CADM1: variants seen among roughly 807,000 people sequenced by gnomAD.
CADM1 encodes cell adhesion molecule 1, also known as TSLC-1.
CADM1 carries 15 observed loss-of-function variants against 53.1 expected under a neutral mutation model. The observed-to-expected ratio is 0.28, with a 90% CI of 0.19 to 0.44. The LOEUF (loss-of-function observed/expected upper bound fraction) is 0.44, where lower values mean the gene tolerates loss of function less well. Ranked by LOEUF, CADM1 falls within the 20% of genes least tolerant of loss-of-function variation. CADM1 has a pLI of 1.00. For synonymous variants in CADM1, 281 were observed against 243.0 expected, an observed-to-expected ratio of 1.16 and a Z score of -1.45; for missense variants, 434 against 611.3, an observed-to-expected ratio of 0.71 and a Z score of 3.06.
chr11:115,403,261 C>A (rs1947209922), intron 1 of CADM1, among the ~76,000 whole-genome samples: 1 of 142,300 alleles, frequency 7.0e-6, no homozygotes, highest in African/African-American at 2.7e-5. Context: ...CAGTACTCTT[C>A]AAAACTATCA....
At chr11:115,466,030 A>G (rs546015974) in intron 1 of CADM1, among the ~76,000 whole-genome samples, 44 of 152,236 alleles carry the variant, frequency 2.9e-4, no homozygotes, top group African/African-American at 1.0e-3. Context: ...TGATTTTCAG[A>G]GAATGTTCAT....
chr11:115,265,287 C>G (rs4938193), intron 1 of CADM1, among the ~76,000 whole-genome samples: 26,535 of 151,188 alleles, frequency 0.18, 2,524 homozygotes, highest in South Asian at 0.33. Flanking sequence ...ACTTTAACCT[C>G]TAAGAGAGAA....
intron 2 of CADM1, among the ~76,000 whole-genome samples, chr11:115,239,553 C>T (rs949551722): frequency 3.9e-5 from 6 of 152,084 alleles, no homozygotes; most frequent in Non-Finnish European, 8.8e-5. Context: ...GGCTTATTTC[C>T]TTTTATCTTT....
At chr11:115,427,817 G>A (rs1346029499) in intron 1 of CADM1, among the ~76,000 whole-genome samples, 1 of 151,844 alleles carries the variant, frequency 6.6e-6, no homozygotes, top group Non-Finnish European at 1.5e-5. Context: ...GACCATCCTG[G>A]CTAACACGTG....
intron 1 of CADM1, 48 bp from the exon 2 acceptor site, chr11:115,240,468 A>T (rs56737005): frequency 6.3e-7 from 1 of 1,599,932 alleles, no homozygotes; most frequent in Admixed American, 1.7e-5. Context: ...CATCAATTAA[A>T]ATGTGATCAG....
At chr11:115,434,041 C>A (rs2135303933) in intron 1 of CADM1, among the ~76,000 whole-genome samples, 1 of 152,208 alleles carries the variant, frequency 6.6e-6, no homozygotes, top group Admixed American at 6.5e-5. Context: ...GGCAGTAAGT[C>A]AAAAAAATTT....
chr11:115,486,347 ATTTG>A (rs1054897338), intron 1 of CADM1, among the ~76,000 whole-genome samples: 5 of 152,036 alleles, frequency 3.3e-5, no homozygotes, highest in Admixed American at 6.6e-5. Flanking sequence ...GAATTTATTT[ATTTG>A]TTTATGTATT....
At chr11:115,446,225 G>A (rs1948448106) in intron 1 of CADM1, among the ~76,000 whole-genome samples, 1 of 152,144 alleles carries the variant, frequency 6.6e-6, no homozygotes. Context: ...GAATACAGGG[G>A]TCAGGCATTG....
At chr11:115,335,425 T>C (rs143066253) in intron 1 of CADM1, among the ~76,000 whole-genome samples, 116 of 152,276 alleles carry the variant, frequency 7.6e-4, no homozygotes, top group African/African-American at 2.7e-3. Flanking sequence ...TTGTTTATGT[T>C]GAAGTATATG....
chr11:115,386,530 G>A (rs1946702023), intron 1 of CADM1, among the ~76,000 whole-genome samples: 1 of 152,192 alleles, frequency 6.6e-6, no homozygotes, highest in Non-Finnish European at 1.5e-5. Flanking sequence ...TTGTTTGAAG[G>A]AACTCTCTGC....
intron 1 of CADM1, among the ~76,000 whole-genome samples, chr11:115,355,363 A>G (rs1234207899): frequency 6.6e-6 from 1 of 152,144 alleles, no homozygotes; most frequent in Non-Finnish European, 1.5e-5. Context: ...CAGGAACAGA[A>G]AAACCAAATA....
At chr11:115,351,531 G>A (rs967247434) in intron 1 of CADM1, among the ~76,000 whole-genome samples, 2 of 152,198 alleles carry the variant, frequency 1.3e-5, no homozygotes, top group African/African-American at 4.8e-5. Context: ...CAGTAAGACT[G>A]AAATCAGCGA....
intron 1 of CADM1, among the ~76,000 whole-genome samples, chr11:115,358,161 A>G (rs1254717644): frequency 6.6e-6 from 1 of 152,134 alleles, no homozygotes; most frequent in Non-Finnish European, 1.5e-5. Flanking sequence ...CATCCTTCCT[A>G]TAGCAGCACC....
At chr11:115,186,901 G>C (rs1359843836) in intron 10 of CADM1, among the ~76,000 whole-genome samples, 1 of 152,316 alleles carries the variant, frequency 6.6e-6, no homozygotes, top group South Asian at 2.1e-4. Flanking sequence ...CGGTAGGAGA[G>C]CAGGGGCCCT....
intron 1 of CADM1, among the ~76,000 whole-genome samples, chr11:115,464,891 C>T (rs1302441286): frequency 6.6e-6 from 1 of 152,182 alleles, no homozygotes; most frequent in Non-Finnish European, 1.5e-5. Flanking sequence ...CCAGTATCAG[C>T]ATCCTTTATC....
intron 1 of CADM1, among the ~76,000 whole-genome samples, chr11:115,414,962 A>G (rs1023016821): frequency 2.6e-5 from 4 of 152,206 alleles, no homozygotes; most frequent in South Asian, 2.1e-4. Context: ...CTAGGCATCA[A>G]TTATCCCCTA....
intron 1 of CADM1, among the ~76,000 whole-genome samples, chr11:115,445,052 GCTCATC>G (rs1484253124): frequency 6.6e-6 from 1 of 152,156 alleles, no homozygotes; most frequent in Non-Finnish European, 1.5e-5. Context: ...TTTGGCTTTT[GCTCATC>G]CTGATCTCAG....
chr11:115,195,862 C>T (rs1940119618), intron 9 of CADM1, among the ~76,000 whole-genome samples: 1 of 152,166 alleles, frequency 6.6e-6, no homozygotes, highest in Non-Finnish European at 1.5e-5. Flanking sequence ...AAAACAGTGG[C>T]TGGAGCCCTT....
intron 3 of CADM1, among the ~76,000 whole-genome samples, chr11:115,237,724 T>C (rs1445660460): frequency 2.6e-5 from 4 of 152,158 alleles, no homozygotes; most frequent in Non-Finnish European, 2.9e-5. Context: ...TGTTATGCAG[T>C]AGAGTAAGCT....
Sources: gnomAD v4.1 joint callset for allele counts (sites outside exome capture counted in the v4.1 genomes callset) on GRCh38, gnomAD v4.1.1 for gene constraint, MANE v1.5 for transcripts, NCBI Gene and HGNC (gene_info 2026-07-23, HGNC 2026-07-21) for gene names.